Variants in FCGRT observed in about 807,000 individuals in gnomAD.
FCGRT encodes IgG receptor FcRn large subunit p51.
A neutral mutation model predicts 35.7 loss-of-function variants in FCGRT; 13 were observed. The observed-to-expected ratio is 0.36, with a 90% CI of 0.24 to 0.58. The LOEUF (loss-of-function observed/expected upper bound fraction) is 0.58. FCGRT is among the 20% of genes least tolerant of loss of function. The pLI is 0.77. For missense variants in FCGRT, 455 were observed against 474.9 expected, an observed-to-expected ratio of 0.96 and a Z score of 0.39; for synonymous variants, 233 against 216.5, an observed-to-expected ratio of 1.08 and a Z score of -0.67.
At chr19:49,525,192 C>G in intron 5 of FCGRT, 2 of 518,736 alleles carry the variant, frequency 3.9e-6, no homozygotes, top group Admixed American at 5.5e-5. Context: ...GCTCTGCCTG[C>G]CTCTCCCCAC....
rs1601186690 is a variant in FCGRT at position 49,514,048 on chromosome 19, G to A, written c.240G>A (p.Val80=). ...PCGAWVWENQ[V]SWYWEKETTD... ...GAGCTTGGGTCTGGGAAAACCAGGT[G>A]TCCTGGTATTGGGAGAAAGAGACCA... The change falls in exon 3 of 7, where the codon GTG becomes GTA. Residue 80 remains valine, a synonymous_variant. Transcript: ENST00000221466. 2 of 1,611,624 alleles carry A rather than the reference G, an allele frequency of 1.2e-6. No homozygotes were observed. The highest frequency in any genetic ancestry group is 4.5e-5 in the East Asian group (2 of 44,872).
At chr19:49,516,432 T>C (rs996778051) in intron 4 of FCGRT, among the ~76,000 whole-genome samples, 9 of 149,722 alleles carry the variant, frequency 6.0e-5, no homozygotes, top group Non-Finnish European at 1.3e-4. Flanking sequence ...TTTTTTTTTT[T>C]AGTAAAGACA....
chr19:49,522,157 C>A (rs994025815), intron 4 of FCGRT, among the ~76,000 whole-genome samples: 3 of 150,464 alleles, frequency 2.0e-5, no homozygotes, highest in Admixed American at 1.3e-4. Flanking sequence ...TCATAACTCA[C>A]TCCAGCCTCA....
In FCGRT at chr19:49,513,996, G is replaced by T. The variant is rs2079990579; in HGVS notation, c.188G>T (p.Ser63Ile). 1.2e-6 allele frequency: 2 copies of T among 1,613,612 alleles called. No homozygotes were observed. Among genetic ancestry groups the T allele is most frequent in the Admixed American group, 1.7e-5 (1 of 59,982 alleles). The change falls in exon 3 of 7, where the codon AGC becomes ATC. Residue 63 changes from serine to isoleucine, a missense_variant. By Grantham distance (142) the Ser-to-Ile change is moderately radical. This residue lies in a region of FCGRT where 136 missense variants were observed against 158.9 expected (regional missense o/e 0.86). Coordinates refer to ENST00000221466, the MANE Select transcript of FCGRT (RefSeq NM_001136019.3). ...LGPQQYLSYN[S>I]LRGEAEPCGA... ...CCGCAGCAGTACCTGAGCTACAATA[G>T]CCTGCGGGGCGAGGCGGAGCCCTGT...
intron 5 of FCGRT, 90 bp from the exon 6 acceptor site, chr19:49,525,367 C>A: frequency 1.1e-6 from 1 of 940,298 alleles, no homozygotes; most frequent in Non-Finnish European, 1.7e-6. Flanking sequence ...ATCTCCGAGG[C>A]TGGGAGGGAC....
chr19:49,519,299 T>G (rs1343685231), intron 4 of FCGRT, among the ~76,000 whole-genome samples: 3 of 152,124 alleles, frequency 2.0e-5, no homozygotes, highest in African/African-American at 2.4e-5. Context: ...TGGATTATGC[T>G]TTTGGTGTTT....
chr19:49,513,406 G>A lies in FCGRT; in HGVS notation c.6G>A (p.Gly2=). Residue 2 remains glycine, a synonymous_variant, in exon 2 of 7, where the codon GGG becomes GGA. Transcript: ENST00000221466. M[G]VPRPQPWALG... ...CCCCAGGTCGTCCTCTCAGCATGGG[G>A]GTCCCGCGGCCTCAGCCCTGGGCGC... 1 of 1,245,202 alleles carries A rather than the reference G, an allele frequency of 8.0e-7. No homozygotes were observed. The highest frequency in any genetic ancestry group is 1.0e-6 in the Non-Finnish European group (1 of 987,632). The allele number at this position is 1,245,202 out of a possible 1,614,324, so 77.1% of individuals were successfully genotyped here.
chr19:49,521,391 G>A (rs2080040013), intron 4 of FCGRT, among the ~76,000 whole-genome samples: 1 of 152,004 alleles, frequency 6.6e-6, no homozygotes. Context: ...CCAATATGGT[G>A]AAACCCTGTT....
intron 4 of FCGRT, among the ~76,000 whole-genome samples, chr19:49,519,267 ATTC>A (rs999387899): frequency 6.6e-6 from 1 of 151,308 alleles, no homozygotes; most frequent in Non-Finnish European, 1.5e-5. Context: ...AATCCAGTTT[ATTC>A]TTTTTTTTTT....
chr19:49,524,758 C>A lies in FCGRT; in HGVS notation c.853C>A (p.Pro285Thr), dbSNP rs767485909. Residue 285 changes from proline (P) to threonine (T), a missense_variant, in exon 5 of 7, where the codon CCC (proline) becomes ACC (threonine). Physicochemically the swap from Pro to Thr is conservative, Grantham distance 38 (BLOSUM62 -1). Around this residue, in one of 3 missense-constraint regions of FCGRT, gnomAD observed 312 missense variants for 296.1 expected, o/e 1.05. Transcript: ENST00000221466. The stretch of plus-strand genomic sequence containing the variant: ...TGTGCAGCACGCGGGGCTGGCGCAG[C>A]CCCTCAGGGTGGAGCTGGGTGAGGT... ...CIVQHAGLAQ[P>T]LRVELESPAK... 4 of 1,600,654 alleles carry A rather than the reference C, an allele frequency of 2.5e-6. No individual in the cohort carries two copies. The African/African-American group carries it at 4.0e-5, about 16-fold the overall frequency.
At chr19:49,522,739 A>G (rs1473437338) in intron 4 of FCGRT, among the ~76,000 whole-genome samples, 3 of 125,170 alleles carry the variant, frequency 2.4e-5, no homozygotes, top group Non-Finnish European at 3.4e-5. Flanking sequence ...TCCTGAATCT[A>G]TATTTATGAG....
chr19:49,520,536 G>C (rs962545891), intron 4 of FCGRT: 54 of 151,868 alleles, frequency 3.6e-4, no homozygotes, highest in African/African-American at 1.3e-3. Context: ...AGTAGAGATG[G>C]AGTTTCACCA....
chr19:49,516,921 G>A (rs1380106516), intron 4 of FCGRT, among the ~76,000 whole-genome samples: 1 of 152,118 alleles, frequency 6.6e-6, no homozygotes, highest in Non-Finnish European at 1.5e-5. Context: ...CAGACACGGT[G>A]GCTCACGCCT....
chr19:49,524,574 C>T lies in FCGRT; in HGVS notation c.669C>T (p.Ala223=). The T allele has an allele frequency of 6.2e-7, 1 of 1,613,132 alleles. No homozygotes were observed. Among genetic ancestry groups the T allele is most frequent in the South Asian group, 1.1e-5 (1 of 91,088 alleles). ...SPGFSVLTCS[A]FSFYPPELQL... ...GCTTTTCCGTGCTTACCTGCAGCGC[C>T]TTCTCCTTCTACCCTCCGGAGCTGC... Residue 223 remains alanine, a synonymous_variant, in exon 5 of 7, where the codon GCC becomes GCT. Coordinates refer to ENST00000221466, the MANE Select transcript of FCGRT (RefSeq NM_001136019.3).
Position 49,513,689 on chromosome 19 carries a change from G to T in FCGRT, c.74-193G>T, listed in dbSNP as rs556684531. ...TTTCCCTCTCTCTCTCTGGGTCTCT[G>T]TCCCCCTCTCTTTCTGGGTCTCTTG... is the stretch of plus-strand genomic sequence containing the variant. On this transcript the variant is annotated intron_variant, in intron 2 of 6. Transcript: ENST00000221466. 1.8e-4 allele frequency: 101 copies of T among 562,840 alleles called. 2 individuals carry two copies. The South Asian group carries it at 3.1e-3, about 17-fold the overall frequency. 34.9% of individuals were successfully genotyped at this position (562,840 alleles called of 1,614,324 possible).
At chr19:49,514,178 G>A in intron 3 of FCGRT, 33 bp from the exon 4 acceptor site, 3 of 1,609,782 alleles carry the variant, frequency 1.9e-6, no homozygotes, top group Admixed American at 3.4e-5. Context: ...TCCATGCTCC[G>A]GGGCCCCGCT....
intron 1 of FCGRT, 184 bp from the exon 2 acceptor site, chr19:49,513,198 ATTAAT>A: frequency 2.6e-6 from 1 of 379,242 alleles, no homozygotes; most frequent in Non-Finnish European, 4.7e-6. Context: ...AGTGTCTGTA[ATTAAT>A]TAACCAACTG....
chr19:49,519,832 T>C (rs1257419582), intron 4 of FCGRT, among the ~76,000 whole-genome samples: 1 of 147,732 alleles, frequency 6.8e-6, no homozygotes, highest in Non-Finnish European at 1.5e-5. Flanking sequence ...TAATCTTTTT[T>C]TTTTTTTTTT....
intron 2 of FCGRT, 147 bp from the exon 3 acceptor site, chr19:49,513,735 T>TGGGGGGGGG: frequency 6.0e-6 from 3 of 497,270 alleles, no homozygotes; most frequent in East Asian, 3.4e-5. Context: ...TCTGGGTCTC[T>TGGGGGGGGG]GTCCCCCCCC....
Sources: gnomAD v4.1 joint callset for allele counts (sites outside exome capture counted in the v4.1 genomes callset) on GRCh38, gnomAD v4.1.1 for gene constraint, gnomAD v4.1.1 regional missense constraint, MANE v1.5 for transcripts, NCBI Gene and HGNC (gene_info 2026-07-23, HGNC 2026-07-21) for gene names.